ADGRD1: variants seen among roughly 807,000 people sequenced by gnomAD.
ADGRD1 encodes the protein adhesion G protein-coupled receptor D1.
Under a neutral mutation model 113.4 loss-of-function variants are expected in ADGRD1, and 77 were observed. That is an observed-to-expected ratio of 0.68 (90% CI 0.57 to 0.82). ADGRD1 has a LOEUF of 0.82. Ranked by LOEUF, ADGRD1 falls within the 40% of genes least tolerant of loss-of-function variation. ADGRD1 has a pLI of 0.00. For synonymous variants in ADGRD1, 474 were observed against 475.0 expected (o/e 1.00, Z 0.03); for missense variants, 1,036 against 1,139.1 (o/e 0.91, Z 1.30).
rs1006802897 is a variant in ADGRD1, at chr12:131,049,290, G to C, written c.1474-27511G>C. Among the ~76,000 whole-genome samples, 8 of 152,196 alleles carry C rather than the reference G, an allele frequency of 5.3e-5. No individual in the cohort carries two copies. In the South Asian group the frequency reaches 6.2e-4, roughly 12 times the overall value. The stretch of plus-strand genomic sequence containing the variant: ...GGTGGGACCTGGCCTTGGGGGGCAG[G>C]TTGTGAGCCCTGCGCTGTCAGGCAT... On this transcript the variant is annotated intron_variant, in intron 13 of 24. Transcript: ENST00000261654.
At chr12:131,066,773 C>T (rs1884753190) in intron 13 of ADGRD1, among the ~76,000 whole-genome samples, 1 of 151,880 alleles carries the variant, frequency 6.6e-6, no homozygotes, top group African/African-American at 2.4e-5. Flanking sequence ...CGTGGGGCAT[C>T]GGGGGAGAGG....
chr12:131,085,641 C>CA (rs1483521514), intron 15 of ADGRD1, among the ~76,000 whole-genome samples: 1 of 152,212 alleles, frequency 6.6e-6, no homozygotes, highest in Non-Finnish European at 1.5e-5. Flanking sequence ...CACCCACACT[C>CA]ACGTCTGTCG....
At chr12:131,137,062 C>T (rs761795506) in intron 23 of ADGRD1, 48 bp downstream of exon 23, 2 of 1,503,594 alleles carry the variant, frequency 1.3e-6, no homozygotes, top group Non-Finnish European at 1.9e-6. Flanking sequence ...CTGGCTTTTC[C>T]TTTCCGAAAG....
intron 15 of ADGRD1, among the ~76,000 whole-genome samples, chr12:131,099,272 C>T (rs1950014593): frequency 3.3e-5 from 5 of 152,248 alleles, no homozygotes; most frequent in Admixed American, 3.3e-4. Context: ...CTAACGCCCA[C>T]TCAGTATTTC....
At chr12:131,016,417 C>T (rs1878579120) in intron 13 of ADGRD1, among the ~76,000 whole-genome samples, 1 of 152,248 alleles carries the variant, frequency 6.6e-6, no homozygotes, top group Middle Eastern at 3.2e-3. Flanking sequence ...TGTGTCTTCT[C>T]TTTGTGTGGA....
At chr12:131,033,908 A>G (rs60162902) in intron 13 of ADGRD1, among the ~76,000 whole-genome samples, 7,002 of 152,182 alleles carry the variant, frequency 0.046, 556 homozygotes, top group African/African-American at 0.16. Context: ...CACTCCTGGC[A>G]GGACAGAGCT....
At chr12:131,116,605 A>G (rs1298208600) in intron 18 of ADGRD1, among the ~76,000 whole-genome samples, 1 of 144,718 alleles carries the variant, frequency 6.9e-6, no homozygotes, top group East Asian at 1.9e-4. Flanking sequence ...GAAATCTCCC[A>G]GAACCTGTGT....
intron 4 of ADGRD1, chr12:130,980,808 G>T (rs1258592956): frequency 1.3e-5 from 2 of 152,170 alleles, no homozygotes; most frequent in East Asian, 3.8e-4. Flanking sequence ...ACCCACAAAG[G>T]TACAATATCT....
intron 8 of ADGRD1, among the ~76,000 whole-genome samples, chr12:130,992,760 C>A (rs764839867): frequency 1.3e-5 from 2 of 152,248 alleles, no homozygotes; most frequent in African/African-American, 4.8e-5. Flanking sequence ...CAGATCCAGC[C>A]GTGGGGCGTG....
rs71451389 is a variant in ADGRD1, at chr12:130,955,123, C to CTTTTTTTTTTTTTTTTTT, written c.103+476_103+477insTTTTTTTTTTTTTTTTTT. On this transcript the variant is annotated intron_variant, in intron 2 of 24. Coordinates refer to ENST00000261654, the MANE Select transcript of ADGRD1 (RefSeq NM_198827.5). ...CACAGGTGTGCACCACTACACCCAG[C>CTTTTTTTTTTTTTTTTTT]TTTTTTTTTTTTTGTATTTTTAGTA... Among the ~76,000 whole-genome samples, 595 of 99,634 alleles carry CTTTTTTTTTTTTTTTTTT rather than the reference C, an allele frequency of 6.0e-3. 55 individuals carry two copies. The highest frequency in any genetic ancestry group is 7.5e-3 in the African/African-American group (173 of 23,104). 65.4% of individuals were successfully genotyped at this position (99,634 alleles called of 152,430 possible).
At chr12:131,126,110 C>T (rs573470032) in intron 20 of ADGRD1, among the ~76,000 whole-genome samples, 338 of 152,320 alleles carry the variant, frequency 2.2e-3, no homozygotes, top group African/African-American at 7.9e-3. Context: ...ATGTTTCCCT[C>T]AAAGTTCATG....
chr12:131,000,601 C>T (rs958358966), intron 9 of ADGRD1, among the ~76,000 whole-genome samples, 159 bp downstream of exon 9: 15 of 151,942 alleles, frequency 9.9e-5, no homozygotes, highest in Admixed American at 8.5e-4. Flanking sequence ...ATTAGCCAGG[C>T]GTGGTGGCGG....
intron 21 of ADGRD1, among the ~76,000 whole-genome samples, chr12:131,135,821 C>G (rs189799728): frequency 6.6e-6 from 1 of 152,352 alleles, no homozygotes; most frequent in Non-Finnish European, 1.5e-5. Flanking sequence ...AGAGCTCTCT[C>G]CCACCCACCA....
chr12:130,969,204 G>C, intron 3 of ADGRD1: 1 of 639,698 alleles, frequency 1.6e-6, no homozygotes, highest in South Asian at 1.8e-5. Flanking sequence ...TCCCAGTCAA[G>C]ACAGCAGATC....
intron 13 of ADGRD1, among the ~76,000 whole-genome samples, chr12:131,052,660 G>T (rs139674317): frequency 3.3e-5 from 5 of 152,190 alleles, no homozygotes; most frequent in Non-Finnish European, 5.9e-5. Context: ...GGAATGAGAG[G>T]CTCACTAGAG....
Position 131,050,331 on chromosome 12 carries a change from A to G in ADGRD1, c.1474-26470A>G, listed in dbSNP as rs964820342. On this transcript the variant is annotated intron_variant, in intron 13 of 24. Transcript: ENST00000261654. The surrounding 1 kb of genome is among the most constrained non-coding windows in gnomAD (Gnocchi z 4.8). ...AAGTACTCTGGAGTTGCTGGAACTA[A>G]AATTTGACTTGTGTTTTTCTAGCCC... 6.6e-6 allele frequency among the ~76,000 whole-genome samples: 1 copy of G among 152,126 alleles called. No homozygotes were observed. Among genetic ancestry groups the G allele is most frequent in the African/African-American group, 2.4e-5 (1 of 41,430 alleles).
At chr12:131,128,896 A>ACGG (rs1202838114) in intron 20 of ADGRD1, among the ~76,000 whole-genome samples, 26 of 148,820 alleles carry the variant, frequency 1.7e-4, no homozygotes, top group African/African-American at 6.0e-4. Context: ...GGTGTGAGTG[A>ACGG]CAGGCCGGCC....
At chr12:130,956,082 C>A (rs1869543439) in intron 2 of ADGRD1, among the ~76,000 whole-genome samples, 1 of 152,254 alleles carries the variant, frequency 6.6e-6, no homozygotes, top group Middle Eastern at 3.2e-3. Flanking sequence ...AGCCACTGGG[C>A]CTGGCTGGGA....
At chr12:131,012,276 C>A (rs1296112369) in intron 12 of ADGRD1, among the ~76,000 whole-genome samples, 1 of 92,978 alleles carries the variant, frequency 1.1e-5, no homozygotes, top group Non-Finnish European at 2.4e-5. Flanking sequence ...GCTTTCTTTT[C>A]ATTTTTTTTT....
Sources: allele counts gnomAD v4.1 joint callset (sites outside exome capture counted in the v4.1 genomes callset), GRCh38; gene constraint gnomAD v4.1.1; non-coding constraint Gnocchi (gnomAD v3.1); transcripts MANE v1.5; gene names NCBI Gene and HGNC (gene_info 2026-07-23, HGNC 2026-07-21).